BCKDHB: variants seen among roughly 807,000 people sequenced by gnomAD.
BCKDHB encodes branched chain keto acid dehydrogenase E1 subunit beta, also known as 2-oxoisovalerate dehydrogenase subunit beta, mitochondrial.
A neutral mutation model predicts 48.5 loss-of-function variants in BCKDHB; 41 were observed. That is an observed-to-expected ratio of 0.85 (90% CI 0.66 to 1.10). BCKDHB has a LOEUF of 1.10. Among genes scored for constraint, BCKDHB ranks in the 50% least tolerant of loss-of-function variants. BCKDHB has a pLI of 0.00. For missense variants in BCKDHB, 496 were observed against 494.2 expected (o/e 1.00, Z -0.03); for synonymous variants, 201 against 174.8 (o/e 1.15, Z -1.18).
At chr6:80,144,478 T>C (rs1463506775) in intron 3 of BCKDHB, among the ~76,000 whole-genome samples, 1 of 152,170 alleles carries the variant, frequency 6.6e-6, no homozygotes, top group Non-Finnish European at 1.5e-5. Context: ...ATGCACTAGT[T>C]GTGTTCTCTG....
the BCKDHB span, among the ~76,000 whole-genome samples, chr6:80,355,032 G>A: frequency 2.6e-5 from 4 of 152,056 alleles, no homozygotes; most frequent in African/African-American, 7.2e-5. Flanking sequence ...TTCTAATTCC[G>A]TGAAAAATGA....
intron 6 of BCKDHB, among the ~76,000 whole-genome samples, chr6:80,186,918 A>G (rs1773668669): frequency 6.6e-6 from 1 of 152,234 alleles, no homozygotes; most frequent in Non-Finnish European, 1.5e-5. Flanking sequence ...GTTCAGAGGC[A>G]GACTTTTCCC....
At chr6:80,164,849 A>G (rs577365640) in intron 3 of BCKDHB, among the ~76,000 whole-genome samples, 3 of 152,290 alleles carry the variant, frequency 2.0e-5, no homozygotes, top group Admixed American at 1.3e-4. Context: ...CATTGGATGA[A>G]TTGCATTATA....
chr6:80,339,136 AAATAGGGTTAGATAT>A (rs1769761797), intron 9 of BCKDHB, among the ~76,000 whole-genome samples: 1 of 152,172 alleles, frequency 6.6e-6, no homozygotes, highest in Non-Finnish European at 1.5e-5. Context: ...TTGAATGGAG[AAATAGGGTTAGATAT>A]TGAGAGATCC....
chr6:80,211,501 G>T (rs1365689732), intron 8 of BCKDHB, among the ~76,000 whole-genome samples: 1 of 152,112 alleles, frequency 6.6e-6, no homozygotes, highest in Admixed American at 6.5e-5. Context: ...CTTGCCATAG[G>T]CAGAGTTGAT....
the BCKDHB span, among the ~76,000 whole-genome samples, chr6:80,358,974 T>C: frequency 6.6e-6 from 1 of 152,172 alleles, no homozygotes; most frequent in East Asian, 1.9e-4. Flanking sequence ...AGCAAATCAA[T>C]CACTCTGAGA....
intron 8 of BCKDHB, among the ~76,000 whole-genome samples, chr6:80,234,663 C>T (rs1162483174): frequency 2.6e-5 from 4 of 151,912 alleles, no homozygotes; most frequent in Admixed American, 6.6e-5. Flanking sequence ...AACTGCCATG[C>T]GACCCAGCAA....
chr6:80,418,419 TA>T, the BCKDHB span, among the ~76,000 whole-genome samples: 2 of 152,250 alleles, frequency 1.3e-5, no homozygotes, highest in Non-Finnish European at 2.9e-5. Context: ...TTTGTGGGTT[TA>T]TCTACCTTCA....
chr6:80,164,079 A>T (rs572533319), intron 3 of BCKDHB, among the ~76,000 whole-genome samples: 11 of 152,304 alleles, frequency 7.2e-5, no homozygotes, highest in Non-Finnish European at 1.5e-4. Context: ...GTTGAAATGC[A>T]GCTCAGAGAA....
rs780722473 is a variant in BCKDHB at position 80,106,719 on chromosome 6, G to C, written c.26G>C (p.Gly9Ala). MAVVAAAA[G>A]WLLRLRAAGA... ...ATGGCGGTTGTAGCGGCGGCTGCCG[G>C]CTGGCTACTCAGGCTCAGGGCGGCA... Residue 9 changes from glycine to alanine, a missense_variant, in exon 1 of 10, where the codon GGC becomes GCC. By Grantham distance (60) the Gly-to-Ala change is moderately conservative. Transcript: ENST00000320393. 8 of 1,552,934 alleles carry C rather than the reference G, an allele frequency of 5.2e-6. No individual in the cohort carries two copies. In the African/African-American group the frequency reaches 6.8e-5, roughly 13 times the overall value.
chr6:80,254,540 A>T (rs1776969573), intron 8 of BCKDHB, among the ~76,000 whole-genome samples: 1 of 152,112 alleles, frequency 6.6e-6, no homozygotes, highest in Non-Finnish European at 1.5e-5. Flanking sequence ...TACAAAAATA[A>T]AAATAAAAAA....
At chr6:80,355,045 T>C in the BCKDHB span, among the ~76,000 whole-genome samples, 1 of 152,146 alleles carries the variant, frequency 6.6e-6, no homozygotes, top group African/African-American at 2.4e-5. Flanking sequence ...AAAAATGATG[T>C]TGGTATCTTG....
At chr6:80,390,526 C>G in the BCKDHB span, among the ~76,000 whole-genome samples, 1 of 152,172 alleles carries the variant, frequency 6.6e-6, no homozygotes, top group Non-Finnish European at 1.5e-5. Context: ...AAAATATCTT[C>G]ATTTTACTTC....
intron 8 of BCKDHB, among the ~76,000 whole-genome samples, chr6:80,225,436 C>T (rs554821032): frequency 6.6e-6 from 1 of 152,172 alleles, no homozygotes; most frequent in East Asian, 1.9e-4. Flanking sequence ...GGTGTCCTTA[C>T]AAGAATAAAT....
chr6:80,262,080 G>T (rs1372667712), intron 8 of BCKDHB, among the ~76,000 whole-genome samples: 2 of 152,068 alleles, frequency 1.3e-5, no homozygotes, highest in African/African-American at 4.8e-5. Context: ...TACAGGTAAG[G>T]TCTTCTCCTG....
the BCKDHB span, among the ~76,000 whole-genome samples, chr6:80,375,432 C>T: frequency 4.6e-5 from 7 of 152,196 alleles, no homozygotes; most frequent in African/African-American, 1.4e-4. Flanking sequence ...TCTACTTGTT[C>T]GATGCTATTG....
chr6:80,246,650 A>G (rs538824819), intron 8 of BCKDHB, among the ~76,000 whole-genome samples: 43 of 152,254 alleles, frequency 2.8e-4, no homozygotes, highest in African/African-American at 9.4e-4. Flanking sequence ...CTTCTTCACC[A>G]TTGCAGCTGT....
chr6:80,251,836 T>C (rs186640195), intron 8 of BCKDHB: 2 of 152,344 alleles, frequency 1.3e-5, no homozygotes, highest in African/African-American at 4.8e-5. Context: ...AAAAATACTT[T>C]GAACATGAGC....
intron 6 of BCKDHB, among the ~76,000 whole-genome samples, chr6:80,196,581 C>A (rs1219493323): frequency 1.3e-5 from 2 of 152,136 alleles, no homozygotes; most frequent in Non-Finnish European, 2.9e-5. Flanking sequence ...TTGCATGATG[C>A]CTGCATATAT....
Sources: allele counts gnomAD v4.1 joint callset (sites outside exome capture counted in the v4.1 genomes callset), GRCh38; gene constraint gnomAD v4.1.1; transcripts MANE v1.5; gene names NCBI Gene and HGNC (gene_info 2026-07-23, HGNC 2026-07-21).